The following FOXP2 variants were observed in gnomAD, a reference collection of about 807,000 sequenced individuals.
FOXP2 encodes the protein forkhead box protein P2.
A neutral mutation model predicts 115.8 loss-of-function variants in FOXP2; 12 were observed. The ratio of observed to expected loss-of-function variants is 0.10; its 90% CI spans 0.07 to 0.17. The LOEUF (loss-of-function observed/expected upper bound fraction) is 0.17, where lower values mean the gene tolerates loss of function less well. Among genes scored for constraint, FOXP2 ranks in the 10% least tolerant of loss-of-function variants. The probability of loss-of-function intolerance (pLI) is 1.00; values close to 1 mark genes in which losing one functional copy is unlikely to be tolerated. For synonymous variants in FOXP2, 328 were observed against 297.7 expected, an observed-to-expected ratio of 1.10 and a Z score of -1.05; for missense variants, 629 against 843.5, an observed-to-expected ratio of 0.75 and a Z score of 3.15.
At chr7:114,295,782 C>A (rs978772616) in intron 2 of FOXP2, among the ~76,000 whole-genome samples, 1 of 152,266 alleles carries the variant, frequency 6.6e-6, no homozygotes, top group Non-Finnish European at 1.5e-5. Context: ...GGAGAGCTTT[C>A]TTTCTCTTTT....
intron 2 of FOXP2, among the ~76,000 whole-genome samples, chr7:114,483,691 C>A (rs1406326080): frequency 6.6e-6 from 1 of 151,688 alleles, no homozygotes; most frequent in Non-Finnish European, 1.5e-5. Flanking sequence ...TATCTTTCCT[C>A]TTTAACAAAC....
chr7:114,620,973 ACT>A (rs1804219654), intron 3 of FOXP2, among the ~76,000 whole-genome samples: 1 of 151,836 alleles, frequency 6.6e-6, no homozygotes, highest in South Asian at 2.1e-4. Context: ...TCTGGGCAAA[ACT>A]CTCTCTCCTA....
chr7:114,208,649 TGTGGGAGGGACCTG>T (rs1794261801), intron 1 of FOXP2, among the ~76,000 whole-genome samples: 1 of 151,974 alleles, frequency 6.6e-6, no homozygotes, highest in South Asian at 2.1e-4. Flanking sequence ...TCCAATGTGT[TGTGGGAGGGACCTG>T]GTGGGAGGTA....
At chr7:114,588,384 T>C (rs571689413) in intron 3 of FOXP2, among the ~76,000 whole-genome samples, 86 of 152,174 alleles carry the variant, frequency 5.7e-4, no homozygotes, top group African/African-American at 1.9e-3. Context: ...CCTGCATGTT[T>C]AAAAGTATAT....
rs183068911 is a variant in FOXP2 at position 114,434,194 on chromosome 7, T to G, written c.168+7515T>G. Among the ~76,000 whole-genome samples the G allele has an allele frequency of 1.4e-3, 216 of 152,070 alleles. 4 individuals carry two copies. The highest frequency in any genetic ancestry group is 2.3e-3 in the Non-Finnish European group (157 of 67,874). On this transcript the variant is annotated intron_variant, in intron 2 of 16. Coordinates refer to ENST00000350908, the MANE Select transcript of FOXP2 (RefSeq NM_014491.4). Reference sequence around the variant, plus strand: ...TACTTGCTAAATAATTGTTTTTGAATAGCTTTCCAGGAAATCAAAATTTAG... The same window carrying G: ...TACTTGCTAAATAATTGTTTTTGAAGAGCTTTCCAGGAAATCAAAATTTAG...
chr7:114,256,188 T>G (rs1795607521), intron 1 of FOXP2, among the ~76,000 whole-genome samples: 1 of 152,108 alleles, frequency 6.6e-6, no homozygotes, highest in Non-Finnish European at 1.5e-5. Flanking sequence ...CTGCAAGCTC[T>G]GCCTCCCAGG....
chr7:114,158,635 G>A (rs1792737107), upstream of FOXP2, among the ~76,000 whole-genome samples: 1 of 151,978 alleles, frequency 6.6e-6, no homozygotes, highest in Admixed American at 6.6e-5. Flanking sequence ...TTTATTTTGT[G>A]ACCCTTATGT....
chr7:114,297,150 G>T, intron 2 of FOXP2: 1 of 492,674 alleles, frequency 2.0e-6, no homozygotes, highest in Non-Finnish European at 4.1e-6. Flanking sequence ...ATGGCGCCCA[G>T]AACGTTTCTC....
chr7:114,252,224 A>AT (rs1234264957), intron 1 of FOXP2, among the ~76,000 whole-genome samples: 1 of 151,932 alleles, frequency 6.6e-6, no homozygotes, highest in Non-Finnish European at 1.5e-5. Flanking sequence ...TTGCGTCGAT[A>AT]TTTATCAGGG....
At chr7:114,371,684 C>G (rs949902324) in intron 2 of FOXP2, among the ~76,000 whole-genome samples, 13 of 151,850 alleles carry the variant, frequency 8.6e-5, no homozygotes, top group African/African-American at 3.1e-4. Context: ...CCCTTTCTGC[C>G]CTCCCCACCC....
At chr7:114,657,645 C>A (rs984527616) in intron 10 of FOXP2, among the ~76,000 whole-genome samples, 1 of 152,124 alleles carries the variant, frequency 6.6e-6, no homozygotes, top group Non-Finnish European at 1.5e-5. Context: ...AAAAAAAATT[C>A]TGGCATCAAC....
chr7:114,252,661 C>A (rs61925868), intron 1 of FOXP2, among the ~76,000 whole-genome samples: 1 of 151,714 alleles, frequency 6.6e-6, no homozygotes, highest in Non-Finnish European at 1.5e-5. Context: ...TTTTTTATTA[C>A]GTCTATTTGA....
chr7:114,092,935 A>G (rs74906722), intron 1 of FOXP2, among the ~76,000 whole-genome samples: 7,191 of 152,132 alleles, frequency 0.047, 530 homozygotes, highest in African/African-American at 0.16. Context: ...ACTGCTACCA[A>G]TCTGGCCAGA....
chr7:114,378,906 T>C (rs1048315795), intron 2 of FOXP2, among the ~76,000 whole-genome samples: 1 of 151,384 alleles, frequency 6.6e-6, no homozygotes, highest in Non-Finnish European at 1.5e-5. Context: ...TAATTACATC[T>C]TACTTTTTCT....
At chr7:114,588,723 A>G (rs1192085138) in intron 3 of FOXP2, among the ~76,000 whole-genome samples, 1 of 152,218 alleles carries the variant, frequency 6.6e-6, no homozygotes, top group Non-Finnish European at 1.5e-5. Flanking sequence ...GGAGTCCTGC[A>G]GATGTTTCTT....
intron 2 of FOXP2, among the ~76,000 whole-genome samples, chr7:114,475,627 T>C (rs1035517268): frequency 2.6e-5 from 4 of 152,036 alleles, no homozygotes; most frequent in Non-Finnish European, 4.4e-5. Flanking sequence ...CTTGGTGCCT[T>C]AAAAGTAAAA....
At chr7:114,145,438 TTTCTTTTC>T (rs778699179) in intron 1 of FOXP2, among the ~76,000 whole-genome samples, 2,354 of 20,832 alleles carry the variant, frequency 0.11, 52 homozygotes, top group Middle Eastern at 0.18. Flanking sequence ...CATTTTTTCT[TTTCTTTTC>T]TTTTCTTTTC....
intron 1 of FOXP2, among the ~76,000 whole-genome samples, chr7:114,145,996 T>A (rs912405079): frequency 1.3e-5 from 2 of 152,204 alleles, no homozygotes; most frequent in Admixed American, 6.5e-5. Context: ...TCTATATGTG[T>A]TTATGTCTGA....
chr7:114,385,567 C>T (rs993417140), intron 2 of FOXP2, among the ~76,000 whole-genome samples: 2 of 152,024 alleles, frequency 1.3e-5, no homozygotes, highest in East Asian at 1.9e-4. Context: ...GACAAACGTC[C>T]GCAGTAGAAG....
Sources: gnomAD v4.1 joint callset for allele counts (sites outside exome capture counted in the v4.1 genomes callset) on GRCh38, gnomAD v4.1.1 for gene constraint, MANE v1.5 for transcripts, NCBI Gene and HGNC (gene_info 2026-07-23, HGNC 2026-07-21) for gene names.